DEPDC5: variants seen among roughly 807,000 people sequenced by gnomAD.
DEPDC5 encodes the protein GATOR1 complex protein DEPDC5.
In DEPDC5, 73 loss-of-function variants were observed where a neutral mutation model predicts 217.3. The ratio of observed to expected loss-of-function variants is 0.34; its 90% CI spans 0.28 to 0.41. The LOEUF is 0.41. Ranked by LOEUF, DEPDC5 falls within the 10% of genes least tolerant of loss-of-function variation. DEPDC5 has a pLI of 1.00. For missense variants in DEPDC5, 1,675 were observed against 2,070.1 expected (o/e 0.81, Z 3.70); for synonymous variants, 733 against 756.7 (o/e 0.97, Z 0.51).
At chr22:31,806,924 A>G (rs2087613944) in intron 18 of DEPDC5, among the ~76,000 whole-genome samples, 1 of 152,164 alleles carries the variant, frequency 6.6e-6, no homozygotes, top group Non-Finnish European at 1.5e-5. Flanking sequence ...AAACGGGAAG[A>G]TTGCCCAAGC....
At chr22:31,809,830 A>C (rs936695858) in intron 19 of DEPDC5, among the ~76,000 whole-genome samples, 183 bp downstream of exon 19, 1 of 152,166 alleles carries the variant, frequency 6.6e-6, no homozygotes, top group Non-Finnish European at 1.5e-5. Context: ...AATACAAAAA[A>C]AATTAGCTGG....
At chr22:31,783,619 G>A (rs2084686151) in intron 8 of DEPDC5, among the ~76,000 whole-genome samples, 1 of 152,120 alleles carries the variant, frequency 6.6e-6, no homozygotes, top group African/African-American at 2.4e-5. Context: ...AGTGAGCTGT[G>A]ATTGTGTCAC....
At chr22:31,769,086 C>T (rs770870376) in intron 7 of DEPDC5, 8 of 323,532 alleles carry the variant, frequency 2.5e-5, no homozygotes, top group East Asian at 5.8e-5. Context: ...CGGTGAAACC[C>T]CGTCTCTACT....
chr22:31,803,433 C>T (rs548858068), intron 15 of DEPDC5, among the ~76,000 whole-genome samples: 3 of 152,110 alleles, frequency 2.0e-5, no homozygotes, highest in South Asian at 4.1e-4. Flanking sequence ...AGGATGGTCT[C>T]GATCTCCTGA....
At chr22:31,777,973 C>T in intron 7 of DEPDC5, 126 bp from the exon 8 acceptor site, 4 of 1,016,664 alleles carry the variant, frequency 3.9e-6, no homozygotes, top group South Asian at 2.7e-5. Context: ...GTCTCGAAGT[C>T]CTGACCTCAG....
In DEPDC5 at chr22:31,790,943, C is replaced by T. The variant is rs147728549; in HGVS notation, c.625-1090C>T. 5.1e-3 allele frequency among the ~76,000 whole-genome samples: 768 copies of T among 152,012 alleles called. 5 individuals carry two copies. Among genetic ancestry groups the T allele is most frequent in the African/African-American group, 0.018 (733 of 41,454 alleles). On this transcript the variant is annotated intron_variant, in intron 10 of 42. Coordinates refer to ENST00000651528, the MANE Select transcript of DEPDC5 (RefSeq NM_001242896.3). ...CCTACTTTTAGTAGAGATGGAGTTT[C>T]GCCATGTTGGCCAGGCTGGTCTCGA...
chr22:31,818,190 C>T (rs1406568696), intron 21 of DEPDC5, among the ~76,000 whole-genome samples: 2 of 152,136 alleles, frequency 1.3e-5, no homozygotes, highest in African/African-American at 2.4e-5. Context: ...TACCATTGCG[C>T]CAGACAGGTG....
chr22:31,763,834 G>T (rs552317429), intron 4 of DEPDC5, among the ~76,000 whole-genome samples: 1 of 152,042 alleles, frequency 6.6e-6, no homozygotes, highest in South Asian at 2.1e-4. Flanking sequence ...TCCCTGCTCT[G>T]CAAGGAGCAG....
At chr22:31,800,312 G>A (rs1297241076) in intron 14 of DEPDC5, among the ~76,000 whole-genome samples, 1 of 152,118 alleles carries the variant, frequency 6.6e-6, no homozygotes, top group Non-Finnish European at 1.5e-5. Flanking sequence ...TATTCAAGAT[G>A]GAGTTGCTCT....
chr22:31,872,995 T>C (rs1218044660), intron 34 of DEPDC5, among the ~76,000 whole-genome samples: 1 of 152,056 alleles, frequency 6.6e-6, no homozygotes, highest in Admixed American at 6.6e-5. Context: ...CCTCAAATAA[T>C]CCACGTGCCT....
intron 24 of DEPDC5, among the ~76,000 whole-genome samples, chr22:31,830,636 T>C (rs924504288): frequency 8.8e-6 from 1 of 113,354 alleles, no homozygotes; most frequent in Non-Finnish European, 1.8e-5. Context: ...TGTACGTGTG[T>C]GTGTGTGTGT....
chr22:31,859,257 A>AT (rs2092426268), intron 32 of DEPDC5, among the ~76,000 whole-genome samples: 1 of 150,704 alleles, frequency 6.6e-6, no homozygotes, highest in African/African-American at 2.4e-5. Context: ...CGCCCAGCTA[A>AT]TTTTTTGTAT....
At chr22:31,808,064 G>A (rs1448093111) in intron 18 of DEPDC5, among the ~76,000 whole-genome samples, 1 of 152,092 alleles carries the variant, frequency 6.6e-6, no homozygotes, top group Non-Finnish European at 1.5e-5. Flanking sequence ...AGCATTCTCA[G>A]CAAAGTAGAA....
At chr22:31,882,752 T>A (rs1222027608) in intron 38 of DEPDC5, among the ~76,000 whole-genome samples, 8 of 152,128 alleles carry the variant, frequency 5.3e-5, no homozygotes, top group African/African-American at 9.7e-5. Context: ...TCTTTTTTTT[T>A]ATTTTCTTGT....
intron 34 of DEPDC5, among the ~76,000 whole-genome samples, chr22:31,872,881 A>G (rs78409824): frequency 0.024 from 3,696 of 151,952 alleles, 162 homozygotes; most frequent in African/African-American, 0.085. Flanking sequence ...CAGCCTCCCA[A>G]GTAGCTGAGA....
chr22:31,777,780 C>T (rs1458982289), intron 7 of DEPDC5, among the ~76,000 whole-genome samples: 4 of 152,090 alleles, frequency 2.6e-5, no homozygotes, highest in African/African-American at 9.7e-5. Context: ...CGGAATCTCA[C>T]TCTGTTGCCT....
chr22:31,879,583 C>T lies in DEPDC5; in HGVS notation c.3864C>T (p.Ser1288=). 2 of 1,613,674 alleles carry T rather than the reference C, an allele frequency of 1.2e-6. No individual in the cohort carries two copies. The highest frequency in any genetic ancestry group is 1.7e-6 in the Non-Finnish European group (2 of 1,180,034). ...CAGCAGGAGTGGACGACTTCGCCAG[C>T]TTCCAGCGCAAGTGGTTTGAGGTGG... ...WHTAGVDDFA[S]FQRKWFEVAF... is the part of the protein sequence containing the mutation. Residue 1288 remains serine, a synonymous_variant, in exon 38 of 43, where the codon AGC becomes AGT. Coordinates refer to ENST00000651528, the MANE Select transcript of DEPDC5 (RefSeq NM_001242896.3).
intron 8 of DEPDC5, among the ~76,000 whole-genome samples, chr22:31,779,484 G>C (rs2084206124): frequency 6.6e-6 from 1 of 152,170 alleles, no homozygotes; most frequent in Non-Finnish European, 1.5e-5. Flanking sequence ...AGACAGGTAG[G>C]GAGAATGATG....
intron 15 of DEPDC5, among the ~76,000 whole-genome samples, chr22:31,803,414 G>A (rs62238906): frequency 0.1 from 15,313 of 151,844 alleles, 841 homozygotes; most frequent in Admixed American, 0.14. Context: ...GAGCTTCTCC[G>A]TGTTAGCCAG....
Sources: allele counts gnomAD v4.1 joint callset (sites outside exome capture counted in the v4.1 genomes callset), GRCh38; gene constraint gnomAD v4.1.1; transcripts MANE v1.5; gene names NCBI Gene and HGNC (gene_info 2026-07-23, HGNC 2026-07-21).